Variants in TBC1D2B observed in about 807,000 individuals in gnomAD.
TBC1D2B encodes TBC1 domain family member 2B.
Under a neutral mutation model 100.8 loss-of-function variants are expected in TBC1D2B, and 64 were observed. That is an observed-to-expected ratio of 0.64 (90% CI 0.52 to 0.78). The LOEUF (loss-of-function observed/expected upper bound fraction) is 0.78, where lower values mean the gene tolerates loss of function less well. Ranked by LOEUF, TBC1D2B falls within the 30% of genes least tolerant of loss-of-function variation. The probability of loss-of-function intolerance (pLI) is 0.00; values close to 1 mark genes in which losing one functional copy is unlikely to be tolerated. For synonymous variants in TBC1D2B, 480 were observed against 479.7 expected, an observed-to-expected ratio of 1.00 and a Z score of -0.01; for missense variants, 1,052 against 1,218.4, an observed-to-expected ratio of 0.86 and a Z score of 2.03.
intron 9 of TBC1D2B, among the ~76,000 whole-genome samples, chr15:78,012,283 C>G (rs549919847): frequency 6.6e-6 from 1 of 152,298 alleles, no homozygotes; most frequent in East Asian, 1.9e-4. Context: ...GGAGGATGAG[C>G]CTACATCACC....
At chr15:78,021,550 T>C (rs1443211146) in intron 6 of TBC1D2B, among the ~76,000 whole-genome samples, 1 of 152,150 alleles carries the variant, frequency 6.6e-6, no homozygotes, top group African/African-American at 2.4e-5. Flanking sequence ...ACCTTCTGCA[T>C]TGCAGAGGGA....
chr15:78,061,596 T>C (rs1301393795), intron 1 of TBC1D2B, among the ~76,000 whole-genome samples: 2 of 148,084 alleles, frequency 1.4e-5, no homozygotes, highest in Non-Finnish European at 3.0e-5. Context: ...ATAATTTATA[T>C]ATATATTATA....
At chr15:78,039,233 T>C (rs1371169692) in intron 3 of TBC1D2B, among the ~76,000 whole-genome samples, 2 of 152,144 alleles carry the variant, frequency 1.3e-5, no homozygotes, top group Non-Finnish European at 2.9e-5. Context: ...AGGAAAAACT[T>C]CCCCTAATTC....
chr15:78,038,326 G>A (rs1370203378), intron 3 of TBC1D2B, among the ~76,000 whole-genome samples: 2 of 152,222 alleles, frequency 1.3e-5, no homozygotes, highest in African/African-American at 2.4e-5. Context: ...GAGAAGCACG[G>A]CAGTGAGGAG....
intron 3 of TBC1D2B, among the ~76,000 whole-genome samples, chr15:78,034,072 T>C (rs1175181285): frequency 6.6e-6 from 1 of 152,220 alleles, no homozygotes; most frequent in African/African-American, 2.4e-5. Flanking sequence ...AAACGACGTA[T>C]AGCATCTTGC....
Position 78,003,462 on chromosome 15 carries a change from A to G in TBC1D2B, c.2417T>C (p.Met806Thr), listed in dbSNP as rs1255420614. The G allele has an allele frequency of 2.5e-6, 4 of 1,612,702 alleles. No individual in the cohort carries two copies. The highest frequency in any genetic ancestry group is 1.3e-5 in the African/African-American group (1 of 75,042). ...ATGCAACCGAGGCAGCTTCTCACTC[A>G]TAAGGTCTCTGAACACCCGCTGGTC... ...QVDQRVFRDL[M>T]SEKLPRLHGH... The change falls in exon 11 of 13, where the codon ATG becomes ACG. Residue 806 changes from methionine to threonine, a missense_variant. Transcript: ENST00000300584.
At chr15:78,002,197 A>C (rs1262666603) in intron 11 of TBC1D2B, among the ~76,000 whole-genome samples, 1 of 151,998 alleles carries the variant, frequency 6.6e-6, no homozygotes, top group Non-Finnish European at 1.5e-5. Flanking sequence ...TTTTATTTTT[A>C]TTTTTGAGAT....
At chr15:78,011,717 T>C (rs1266498197) in intron 9 of TBC1D2B, among the ~76,000 whole-genome samples, 1 of 149,958 alleles carries the variant, frequency 6.7e-6, no homozygotes, top group African/African-American at 2.5e-5. Context: ...GGTGCAATGC[T>C]GGCTCACTGC....
At chr15:78,014,480 G>A (rs1242747223) in intron 8 of TBC1D2B, among the ~76,000 whole-genome samples, 1 of 152,186 alleles carries the variant, frequency 6.6e-6, no homozygotes, top group Non-Finnish European at 1.5e-5. Context: ...ATGGGAATAT[G>A]GACCATGATG....
chr15:78,059,903 G>C (rs971053531), intron 1 of TBC1D2B, among the ~76,000 whole-genome samples: 1 of 152,094 alleles, frequency 6.6e-6, no homozygotes, highest in African/African-American at 2.4e-5. Flanking sequence ...GTGAGGACAG[G>C]GGCTGGAGTA....
chr15:78,040,345 C>T (rs185207127), intron 3 of TBC1D2B, among the ~76,000 whole-genome samples: 39 of 152,286 alleles, frequency 2.6e-4, no homozygotes, highest in Admixed American at 2.1e-3. Flanking sequence ...TAAATGTGCA[C>T]TCATCTGCCA....
At chr15:78,027,470 T>C (rs552277005) in intron 4 of TBC1D2B, among the ~76,000 whole-genome samples, 1 of 152,308 alleles carries the variant, frequency 6.6e-6, no homozygotes, top group Non-Finnish European at 1.5e-5. Context: ...CATGGACAAG[T>C]TGGAGGGCTG....
chr15:78,012,862 CAGG>C lies in TBC1D2B; in HGVS notation c.2228_2230del (p.Ser743del). The C allele has an allele frequency of 6.6e-7, 1 of 1,515,242 alleles. No individual in the cohort carries two copies. Among genetic ancestry groups the C allele is most frequent in the Non-Finnish European group, 8.8e-7 (1 of 1,132,504 alleles). The allele number at this position is 1,515,242 out of a possible 1,614,324, so 93.9% of individuals were successfully genotyped here. On this transcript the variant is annotated inframe_deletion, in exon 9 of 13. Coordinates refer to ENST00000300584, the MANE Select transcript of TBC1D2B (RefSeq NM_144572.2). ...ACAGTAGCCGATATCTGGATTCCGC[CAGG>C]AGAAGGCGAGGAGGACATTGCGTAA...
chr15:78,010,858 G>A lies in TBC1D2B; in HGVS notation c.2271-1744C>T, dbSNP rs567055261. Reference sequence around the variant, plus strand: ...AGAATTACAATTCAGAGGTTTTAACGGTGGTGAGGGCGGAAGTGTAGACAG... The same window carrying A: ...AGAATTACAATTCAGAGGTTTTAACAGTGGTGAGGGCGGAAGTGTAGACAG... On this transcript the variant is annotated intron_variant, in intron 9 of 12. Transcript: ENST00000300584. Among the ~76,000 whole-genome samples, 26 of 152,272 alleles carry A rather than the reference G, an allele frequency of 1.7e-4. 1 individual carries two copies. In the South Asian group the frequency reaches 4.8e-3, roughly 28 times the overall value.
intron 8 of TBC1D2B, 149 bp from the exon 9 acceptor site, chr15:78,013,466 G>T: frequency 1.3e-6 from 1 of 785,842 alleles, no homozygotes; most frequent in Non-Finnish European, 2.0e-6. Context: ...GGATATAATC[G>T]ACTTCTCAGT....
At chr15:78,076,860 T>G (rs1015366072) in intron 1 of TBC1D2B, among the ~76,000 whole-genome samples, 1 of 152,244 alleles carries the variant, frequency 6.6e-6, no homozygotes, top group African/African-American at 2.4e-5. Context: ...TGTTATCCCA[T>G]TTTACAGAGG....
intron 4 of TBC1D2B, among the ~76,000 whole-genome samples, chr15:78,028,907 A>G (rs2072738194): frequency 1.3e-5 from 2 of 152,222 alleles, no homozygotes; most frequent in African/African-American, 2.4e-5. Flanking sequence ...AAGAGACCTA[A>G]GAAGACATCA....
chr15:78,004,057 A>G (rs935777357), intron 10 of TBC1D2B, among the ~76,000 whole-genome samples: 1 of 152,162 alleles, frequency 6.6e-6, no homozygotes, highest in Non-Finnish European at 1.5e-5. Flanking sequence ...ATTATGCTCT[A>G]AACGGCTCTG....
rs1239007611 is a variant in TBC1D2B at position 78,077,577 on chromosome 15, G to C, written c.76C>G (p.Pro26Ala). 4 of 1,379,490 alleles carry C rather than the reference G, an allele frequency of 2.9e-6. No homozygotes were observed. The highest frequency in any genetic ancestry group is 6.0e-5 in the Admixed American group (2 of 33,090). The allele number at this position is 1,379,490 out of a possible 1,614,324, so 85.5% of individuals were successfully genotyped here. Residue 26 changes from proline to alanine, a missense_variant, in exon 1 of 13, where the codon CCC becomes GCC. Transcript: ENST00000300584. ...EGAAQGAAAE[P>A]GAGPAREPAR... ...GGCTCCCGCGCCGGACCCGCCCCGG[G>C]CTCCGCGGCCGCCCCCTGCGCCGCG...
Sources: gnomAD v4.1 joint callset for allele counts (sites outside exome capture counted in the v4.1 genomes callset) on GRCh38, gnomAD v4.1.1 for gene constraint, MANE v1.5 for transcripts, NCBI Gene and HGNC (gene_info 2026-07-23, HGNC 2026-07-21) for gene names.